The following SLC25A44 variants were observed in gnomAD, a reference collection of about 807,000 sequenced individuals.
SLC25A44 encodes the protein solute carrier family 25, member 44.
SLC25A44 carries 17 observed loss-of-function variants against 29.9 expected under a neutral mutation model. The observed-to-expected ratio is 0.57, with a 90% CI of 0.39 to 0.85. The LOEUF is 0.85. Ranked by LOEUF, SLC25A44 falls within the 40% of genes least tolerant of loss-of-function variation. The pLI, the probability that SLC25A44 is intolerant of heterozygous loss-of-function variation, is 0.00. For synonymous variants in SLC25A44, 140 were observed against 151.8 expected (o/e 0.92, Z 0.57); for missense variants, 302 against 398.4 (o/e 0.76, Z 2.06).
chr1:156,206,426 C>T (rs1047028742), intron 2 of SLC25A44, among the ~76,000 whole-genome samples: 3 of 151,982 alleles, frequency 2.0e-5, no homozygotes, highest in African/African-American at 2.4e-5. Flanking sequence ...TTGGTAGAGA[C>T]GGGGTTTCAC....
rs143514377 is a variant in SLC25A44 at position 156,196,334 on chromosome 1, C to T, written c.-14+2087C>T. The T allele has an allele frequency of 2.6e-5, 4 of 152,352 alleles. No homozygotes were observed. The East Asian group carries it at 7.7e-4, about 29-fold the overall frequency. 9.4% of individuals were successfully genotyped at this position (152,352 alleles called of 1,614,324 possible). A position where few individuals can be genotyped will look rare whatever the true frequency, so the allele number is the denominator to read the frequency against. On this transcript the variant is annotated intron_variant, in intron 1 of 3. Coordinates refer to ENST00000359511, the MANE Select transcript of SLC25A44 (RefSeq NM_014655.4). ...GTAAAGGGAGTGGGTGCAGTGCCCT[C>T]TCTTCTGTTGTAGTGGCTTATCCCT...
At position 156,208,145 on chromosome 1, in the gene SLC25A44, A is replaced by G. The variant is rs1657075416; in HGVS notation, c.753+132A>G. The G allele has an allele frequency of 1.3e-5, 10 of 762,666 alleles. No individual in the cohort carries two copies. The South Asian group carries it at 1.6e-4, about 12-fold the overall frequency. The allele number at this position is 762,666 out of a possible 1,614,324, so 47.2% of individuals were successfully genotyped here. A position where few individuals can be genotyped will look rare whatever the true frequency, so the allele number is the denominator to read the frequency against. ...CCAGTCAGTCTTCTCCTGAACATCTAAGCCCCTTCTGTGTGCTTAGCATCT... is the reference window on the plus strand; with the variant it reads ...CCAGTCAGTCTTCTCCTGAACATCTGAGCCCCTTCTGTGTGCTTAGCATCT... On this transcript the variant is annotated intron_variant, in intron 3 of 3. Coordinates refer to ENST00000359511, the MANE Select transcript of SLC25A44 (RefSeq NM_014655.4).
rs1326093478 is a variant in SLC25A44 at position 156,198,997 on chromosome 1, A to C, written c.-13-838A>C. ...GTTCTTTTCTGTTTTTCTCAGAGCA[A>C]GTTATCTAATAACTGAAGAGGACTC... On this transcript the variant is annotated intron_variant, in intron 1 of 3. Transcript: ENST00000359511. The surrounding 1 kb of genome is among the most constrained non-coding windows in gnomAD (Gnocchi z 4.1). 6.6e-6 allele frequency: 1 copy of C among 152,256 alleles called. No individual in the cohort carries two copies. Among genetic ancestry groups the C allele is most frequent in the African/African-American group, 2.4e-5 (1 of 41,450 alleles). 9.4% of individuals were successfully genotyped at this position (152,256 alleles called of 1,614,324 possible).
chr1:156,205,740 A>C (rs1166597897), intron 2 of SLC25A44, among the ~76,000 whole-genome samples: 1 of 152,200 alleles, frequency 6.6e-6, no homozygotes, highest in Non-Finnish European at 1.5e-5. Flanking sequence ...ACCTGCTGAC[A>C]TAGCTGTGTA....
At chr1:156,207,526 T>G (rs1347935207) in intron 2 of SLC25A44, among the ~76,000 whole-genome samples, 1 of 151,990 alleles carries the variant, frequency 6.6e-6, no homozygotes, top group Non-Finnish European at 1.5e-5. Flanking sequence ...AGCACAAGCC[T>G]ATAGACCCAA....
Position 156,200,438 on chromosome 1 carries a change from T to C in SLC25A44, c.591T>C (p.Ser197=). The change falls in exon 2 of 4, where the codon AGT becomes AGC. Residue 197 remains serine (S), a synonymous_variant. Transcript: ENST00000359511. ...VASLLTYIPN[S]AVWWPFYHFY... is the part of the protein sequence containing the mutation. ...CACTGCTTACCTATATCCCAAACAG[T>C]GCTGTCTGGTGGCCCTTCTATCACT... 1 of 1,611,764 alleles carries C rather than the reference T, an allele frequency of 6.2e-7. No homozygotes were observed. Among genetic ancestry groups the C allele is most frequent in the Non-Finnish European group, 8.5e-7 (1 of 1,178,800 alleles).
rs114467453 is a variant in SLC25A44 at position 156,194,934 on chromosome 1, G to C, written c.-14+687G>C. ...GGTCTAGGGTGCACCCTGAAATTCT[G>C]TATTTCTAACAGGCTCCCACGTGAT... On this transcript the variant is annotated intron_variant, in intron 1 of 3. Coordinates refer to ENST00000359511, the MANE Select transcript of SLC25A44 (RefSeq NM_014655.4). 4.6e-3 allele frequency among the ~76,000 whole-genome samples: 694 copies of C among 152,234 alleles called. 4 individuals carry two copies. The highest frequency in any genetic ancestry group is 0.016 in the African/African-American group (650 of 41,540).
At chr1:156,203,671 C>T (rs1467726202) in intron 2 of SLC25A44, among the ~76,000 whole-genome samples, 1 of 143,826 alleles carries the variant, frequency 7.0e-6, no homozygotes, top group Non-Finnish European at 1.5e-5. Context: ...CTCCCTCCCT[C>T]CCTTCCTTCC....
At chr1:156,207,731 T>G in intron 2 of SLC25A44, 155 bp from the exon 3 acceptor site, 1 of 692,650 alleles carries the variant, frequency 1.4e-6, no homozygotes, top group South Asian at 2.1e-5. Flanking sequence ...AATAGTTTTT[T>G]GAAGGAAGCA....
Position 156,210,507 on chromosome 1 carries a change from C to G in SLC25A44, c.*76C>G. ...GGCAGAGTGGAGAGGACAGCACCCT[C>G]TCCAGGTGCTCCCACCACACACCCA... On this transcript the variant is annotated 3_prime_UTR_variant, in exon 4 of 4. Coordinates refer to ENST00000359511, the MANE Select transcript of SLC25A44 (RefSeq NM_014655.4). 2.8e-6 allele frequency: 3 copies of G among 1,084,350 alleles called. No individual in the cohort carries two copies. The highest frequency in any genetic ancestry group is 3.9e-6 in the Non-Finnish European group (3 of 776,858). 67.2% of individuals were successfully genotyped at this position (1,084,350 alleles called of 1,614,324 possible).
intron 3 of SLC25A44, 34 bp from the exon 4 acceptor site, chr1:156,210,206 A>C: frequency 6.8e-7 from 1 of 1,469,150 alleles, no homozygotes; most frequent in Non-Finnish European, 9.1e-7. Flanking sequence ...CTCTGACTAC[A>C]GACAATGGCC....
At chr1:156,199,731 C>T in intron 1 of SLC25A44, 104 bp from the exon 2 acceptor site, 1 of 952,062 alleles carries the variant, frequency 1.1e-6, no homozygotes, top group African/African-American at 1.7e-5. Flanking sequence ...GGTGAGTGTC[C>T]AGGAGATGAG....
intron 1 of SLC25A44, chr1:156,197,921 G>C (rs1237617722): frequency 6.6e-6 from 1 of 152,196 alleles, no homozygotes; most frequent in Non-Finnish European, 1.5e-5. Flanking sequence ...GTCCAGCTCA[G>C]GGAATCCTGA....
chr1:156,202,912 T>C (rs1246419967), intron 2 of SLC25A44, among the ~76,000 whole-genome samples: 1 of 152,248 alleles, frequency 6.6e-6, no homozygotes, highest in Admixed American at 6.5e-5. Context: ...TTCACTATTG[T>C]ACCTCCCAAC....
chr1:156,208,255 G>T (rs1473459713), intron 3 of SLC25A44, among the ~76,000 whole-genome samples: 1 of 152,182 alleles, frequency 6.6e-6, no homozygotes, highest in African/African-American at 2.4e-5. Context: ...GATCACCTGA[G>T]CCCAGGAGTT....
At chr1:156,208,204 C>T (rs1197442835) in intron 3 of SLC25A44, among the ~76,000 whole-genome samples, 191 bp downstream of exon 3, 2 of 152,228 alleles carry the variant, frequency 1.3e-5, no homozygotes, top group African/African-American at 4.8e-5. Context: ...CACAGTGGCT[C>T]ACGCCTGTAA....
intron 3 of SLC25A44, among the ~76,000 whole-genome samples, chr1:156,209,919 TA>T (rs952923415): frequency 1.1e-4 from 16 of 152,136 alleles, no homozygotes; most frequent in Admixed American, 1.3e-4. Flanking sequence ...TATTTATGAA[TA>T]TTTTTTTTTT....
intron 2 of SLC25A44, among the ~76,000 whole-genome samples, chr1:156,206,584 G>A (rs1220380036): frequency 2.6e-5 from 4 of 151,996 alleles, no homozygotes; most frequent in African/African-American, 9.7e-5. Flanking sequence ...CCAGGCTGCA[G>A]TGCAGTGGCG....
chr1:156,194,973 G>A (rs576769522), intron 1 of SLC25A44, among the ~76,000 whole-genome samples: 28 of 152,356 alleles, frequency 1.8e-4, no homozygotes, highest in Non-Finnish European at 1.5e-5. Context: ...CATGATGCCA[G>A]TCTGTGGACC....
Sources: gnomAD v4.1 joint callset for allele counts (sites outside exome capture counted in the v4.1 genomes callset) on GRCh38, gnomAD v4.1.1 for gene constraint, Gnocchi (gnomAD v3.1) non-coding constraint, MANE v1.5 for transcripts, NCBI Gene and HGNC (gene_info 2026-07-23, HGNC 2026-07-21) for gene names.